Variants in MAGI3 observed in about 807,000 individuals in gnomAD.
MAGI3 encodes membrane associated guanylate kinase, WW and PDZ domain containing 3.
Under a neutral mutation model 121.8 loss-of-function variants are expected in MAGI3, and 43 were observed. That is an observed-to-expected ratio of 0.35 (90% CI 0.28 to 0.46). MAGI3 has a LOEUF of 0.46. Among genes scored for constraint, MAGI3 ranks in the 20% least tolerant of loss-of-function variants. MAGI3 has a pLI of 1.00. For missense variants in MAGI3, 1,547 were observed against 1,797.3 expected (o/e 0.86, Z 2.52); for synonymous variants, 553 against 639.3 (o/e 0.86, Z 2.04).
At chr1:113,623,887 T>A in intron 9 of MAGI3, among the ~76,000 whole-genome samples, 1 of 142,172 alleles carries the variant, frequency 7.0e-6, no homozygotes, top group Non-Finnish European at 1.6e-5. Context: ...GTAATCATCC[T>A]TCTACTCTCT....
chr1:113,475,553 G>T (rs1301170632), intron 1 of MAGI3, among the ~76,000 whole-genome samples: 1 of 152,140 alleles, frequency 6.6e-6, no homozygotes, highest in African/African-American at 2.4e-5. Flanking sequence ...TGCTTATGTT[G>T]AACCAGCCTT....
At chr1:113,414,725 G>A (rs1044243587) in intron 1 of MAGI3, among the ~76,000 whole-genome samples, 3 of 151,608 alleles carry the variant, frequency 2.0e-5, no homozygotes, top group Non-Finnish European at 4.4e-5. Flanking sequence ...AGAATGTTGA[G>A]TCTTCTATTT....
chr1:113,477,467 A>C (rs1655888073), intron 1 of MAGI3, among the ~76,000 whole-genome samples: 1 of 152,092 alleles, frequency 6.6e-6, no homozygotes, highest in Admixed American at 6.5e-5. Context: ...ATAGGATTTT[A>C]TTTCTCCTTC....
At chr1:113,547,311 T>A (rs1380917405) in intron 1 of MAGI3, among the ~76,000 whole-genome samples, 1 of 151,990 alleles carries the variant, frequency 6.6e-6, no homozygotes, top group Admixed American at 6.6e-5. Flanking sequence ...AAAAAGGAAA[T>A]CGTGAGTTAA....
chr1:113,488,767 C>G (rs1305564660), intron 1 of MAGI3, among the ~76,000 whole-genome samples: 1 of 152,124 alleles, frequency 6.6e-6, no homozygotes, highest in Non-Finnish European at 1.5e-5. Flanking sequence ...GCAGCCTGCC[C>G]TTGCACTAAC....
At chr1:113,405,055 A>G (rs1433246484) in intron 1 of MAGI3, among the ~76,000 whole-genome samples, 3 of 152,116 alleles carry the variant, frequency 2.0e-5, no homozygotes, top group Non-Finnish European at 4.4e-5. Context: ...TTGAGTTCAG[A>G]TTTTCTGATG....
chr1:113,609,931 T>C (rs1377219490), intron 6 of MAGI3, among the ~76,000 whole-genome samples: 2 of 152,144 alleles, frequency 1.3e-5, no homozygotes, highest in African/African-American at 4.8e-5. Context: ...ATAGTTTTTA[T>C]ACTATCTTTT....
chr1:113,521,499 G>C (rs1177544912), intron 1 of MAGI3, among the ~76,000 whole-genome samples: 1 of 150,788 alleles, frequency 6.6e-6, no homozygotes, highest in Admixed American at 6.6e-5. Context: ...TCTGCCTTCC[G>C]GGTTCATGCC....
intron 16 of MAGI3, among the ~76,000 whole-genome samples, chr1:113,659,828 C>CT (rs1653687922): frequency 1.3e-5 from 2 of 152,180 alleles, no homozygotes; most frequent in African/African-American, 4.8e-5. Context: ...GTAAAGCTGC[C>CT]TTTTGATCAT....
At position 113,659,156 on chromosome 1, in the gene MAGI3, T is replaced by A. The variant is rs770690059; in HGVS notation, c.2706T>A (p.His902Gln). ...GTGGAAAACTGAAAGTTGGAGATCATATCTCTGCAGTGAATGGGCAGTCCA... is the reference window on the plus strand; with the variant it reads ...GTGGAAAACTGAAAGTTGGAGATCAAATCTCTGCAGTGAATGGGCAGTCCA... ...DRCGKLKVGDHISAVNGQSIV... is the reference protein window; with the variant it reads ...DRCGKLKVGDQISAVNGQSIV... The change falls in exon 16 of 21, where the codon CAT (histidine) becomes CAA (glutamine). Residue 902 changes from histidine to glutamine, a missense_variant. Transcript: ENST00000307546. 6.2e-7 allele frequency: 1 copy of A among 1,614,126 alleles called. No homozygotes were observed. The highest frequency in any genetic ancestry group is 1.1e-5 in the South Asian group (1 of 91,072).
At chr1:113,676,144 C>G (rs1243895786) in intron 19 of MAGI3, among the ~76,000 whole-genome samples, 1 of 152,026 alleles carries the variant, frequency 6.6e-6, no homozygotes, top group Non-Finnish European at 1.5e-5. Flanking sequence ...AATAGTGTCA[C>G]AAAAATCCAA....
chr1:113,483,153 A>G (rs1369328728), intron 1 of MAGI3, among the ~76,000 whole-genome samples: 1 of 152,214 alleles, frequency 6.6e-6, no homozygotes, highest in Non-Finnish European at 1.5e-5. Flanking sequence ...AAATTTGAAC[A>G]TGCCTCAACA....
intron 1 of MAGI3, among the ~76,000 whole-genome samples, chr1:113,496,891 C>T (rs929960992): frequency 6.6e-6 from 1 of 152,140 alleles, no homozygotes; most frequent in African/African-American, 2.4e-5. Flanking sequence ...ACTGAGGCTC[C>T]TTAGATCTCT....
chr1:113,582,390 A>C (rs1183487588), intron 3 of MAGI3, among the ~76,000 whole-genome samples: 1 of 152,124 alleles, frequency 6.6e-6, no homozygotes, highest in African/African-American at 2.4e-5. Context: ...CCTTTAGTAG[A>C]ATGAATAACA....
At chr1:113,570,390 C>G (rs1236433805) in intron 2 of MAGI3, among the ~76,000 whole-genome samples, 1 of 152,126 alleles carries the variant, frequency 6.6e-6, no homozygotes, top group Non-Finnish European at 1.5e-5. Flanking sequence ...GATTTATAAT[C>G]TTTTGAGTAT....
chr1:113,533,409 A>C (rs1402718987), intron 1 of MAGI3, among the ~76,000 whole-genome samples: 1 of 152,116 alleles, frequency 6.6e-6, no homozygotes, highest in Non-Finnish European at 1.5e-5. Context: ...GAAAGAGGAG[A>C]GCAATAGACC....
chr1:113,675,257 G>A (rs1296110326), intron 19 of MAGI3, among the ~76,000 whole-genome samples: 1 of 152,164 alleles, frequency 6.6e-6, no homozygotes, highest in African/African-American at 2.4e-5. Flanking sequence ...AACTTGAATG[G>A]TAACGCTTTG....
At chr1:113,677,440 C>T (rs1005175384) in intron 19 of MAGI3, among the ~76,000 whole-genome samples, 1 of 152,190 alleles carries the variant, frequency 6.6e-6, no homozygotes. Flanking sequence ...CACAGTGTGA[C>T]CCAGGTATGA....
In MAGI3 at chr1:113,674,034, A is replaced by G. The variant is rs542281146; in HGVS notation, c.3189+569A>G. 7.2e-5 allele frequency among the ~76,000 whole-genome samples: 11 copies of G among 152,358 alleles called. No homozygotes were observed. In the South Asian group the frequency reaches 2.1e-3, roughly 29 times the overall value. On this transcript the variant is annotated intron_variant, in intron 19 of 20. Transcript: ENST00000307546. The stretch of plus-strand genomic sequence containing the variant: ...TAGGGAACTGCAGACCAAATTGTTT[A>G]TAGATCTGCATAAGATAGTTTTTCC...
Sources: gnomAD v4.1 joint callset for allele counts (sites outside exome capture counted in the v4.1 genomes callset) on GRCh38, gnomAD v4.1.1 for gene constraint, MANE v1.5 for transcripts, NCBI Gene and HGNC (gene_info 2026-07-23, HGNC 2026-07-21) for gene names.